TENM4: variants seen among roughly 807,000 people sequenced by gnomAD.
The protein encoded by TENM4 is teneurin-4.
TENM4 carries 82 observed loss-of-function variants against 243.3 expected under a neutral mutation model. That is an observed-to-expected ratio of 0.34 (90% CI 0.28 to 0.40). The LOEUF is 0.40. TENM4 is among the 10% of genes least tolerant of loss of function. The pLI is 1.00. For missense variants in TENM4, 3,138 were observed against 3,673.3 expected (o/e 0.85, Z 3.77); for synonymous variants, 1,412 against 1,456.3 (o/e 0.97, Z 0.69).
At chr11:78,720,440 C>A in intron 24 of TENM4, 50 bp from the exon 25 acceptor site, 3 of 1,606,870 alleles carry the variant, frequency 1.9e-6, no homozygotes, top group Non-Finnish European at 2.6e-6. Context: ...GAGGTGTTAG[C>A]AGCAGGGTTA....
chr11:79,410,270 T>C (rs1858669938), intron 1 of TENM4, among the ~76,000 whole-genome samples: 1 of 152,168 alleles, frequency 6.6e-6, no homozygotes, highest in Non-Finnish European at 1.5e-5. Flanking sequence ...CTCAGGGCTT[T>C]AGGAAGAACC....
intron 1 of TENM4, among the ~76,000 whole-genome samples, chr11:79,322,052 G>A (rs537229206): frequency 1.3e-5 from 2 of 152,312 alleles, no homozygotes; most frequent in South Asian, 4.1e-4. Flanking sequence ...ACAGGAAACA[G>A]GGAGGGCTCA....
intron 9 of TENM4, among the ~76,000 whole-genome samples, 200 bp from the exon 10 acceptor site, chr11:78,863,332 C>T (rs1449504001): frequency 6.6e-6 from 1 of 152,214 alleles, no homozygotes; most frequent in Non-Finnish European, 1.5e-5. Flanking sequence ...AGACCCTGCC[C>T]TCAAGGGGCT....
At chr11:79,419,422 C>T (rs114586791) in intron 1 of TENM4, among the ~76,000 whole-genome samples, 1,742 of 152,278 alleles carry the variant, frequency 0.011, 29 homozygotes, top group African/African-American at 0.039. Flanking sequence ...TTAGCACCCA[C>T]GGCACGGGGA....
In TENM4 at chr11:78,722,739, G is replaced by C. The variant is rs373240552; in HGVS notation, c.3729C>G (p.Leu1243=). Residue 1243 remains leucine (L), a synonymous_variant, in exon 24 of 34, where the codon CTC becomes CTG. Coordinates refer to ENST00000278550, the MANE Select transcript of TENM4 (RefSeq NM_001098816.3). ...VALTCGSDGS[L]YVGDFNYIRR... ...TAATGTAGTTGAAATCACCCACATA[G>C]AGGCTCCCGTCAGAGCCACAGGTGA... 5 of 1,613,940 alleles carry C rather than the reference G, an allele frequency of 3.1e-6. No individual in the cohort carries two copies. The highest frequency in any genetic ancestry group is 1.7e-5 in the Admixed American group (1 of 60,014).
intron 16 of TENM4, among the ~76,000 whole-genome samples, chr11:78,785,726 G>A (rs1591022520): frequency 6.6e-6 from 1 of 152,198 alleles, no homozygotes; most frequent in East Asian, 1.9e-4. Context: ...ACCCAGGGAT[G>A]TTGCAGGGGC....
chr11:78,658,841 G>A (rs769926075), intron 33 of TENM4, 25 bp from the exon 34 acceptor site: 1 of 1,597,090 alleles, frequency 6.3e-7, no homozygotes, highest in Non-Finnish European at 8.6e-7. Flanking sequence ...GAGTGAGAGA[G>A]AGAGTAAGAC....
intron 9 of TENM4, among the ~76,000 whole-genome samples, chr11:78,866,878 C>T (rs1858991961): frequency 1.3e-5 from 2 of 152,042 alleles, no homozygotes; most frequent in African/African-American, 4.8e-5. Context: ...GAAATGGCTA[C>T]CTGGAAAGTA....
intron 6 of TENM4, among the ~76,000 whole-genome samples, chr11:78,982,948 T>G (rs752457489): frequency 6.6e-6 from 1 of 152,238 alleles, no homozygotes; most frequent in Non-Finnish European, 1.5e-5. Flanking sequence ...TCGCAGTTAC[T>G]GACCACACAG....
At chr11:78,913,583 ATGTGTGTGTGTGTGTGTG>A (rs55835050) in intron 6 of TENM4, among the ~76,000 whole-genome samples, 6 of 141,936 alleles carry the variant, frequency 4.2e-5, no homozygotes, top group African/African-American at 5.4e-5. Flanking sequence ...GGTAAGAGGT[ATGTGTGTGTGTGTGTGTG>A]TGTGTGTGTG....
At chr11:79,140,373 G>T (rs542513380) in intron 4 of TENM4, among the ~76,000 whole-genome samples, 4 of 152,222 alleles carry the variant, frequency 2.6e-5, no homozygotes, top group Admixed American at 1.3e-4. Context: ...GGACTGGTCA[G>T]TCCTAAGCCT....
In TENM4 at chr11:79,329,654, C is replaced by T. The variant is rs186404574; in HGVS notation, c.-320-32111G>A. ...TGCAAAGACCTGGGGCAGAGCAGTC[C>T]CAGCAGGAGAAGCACAAAGCCCCGA... On this transcript the variant is annotated intron_variant, in intron 1 of 33. Transcript: ENST00000278550. 2.2e-3 allele frequency among the ~76,000 whole-genome samples: 336 copies of T among 152,192 alleles called. 2 individuals carry two copies. Among genetic ancestry groups the T allele is most frequent in the African/African-American group, 7.7e-3 (321 of 41,508 alleles).
chr11:79,252,246 C>T (rs1168094953), intron 2 of TENM4, among the ~76,000 whole-genome samples: 1 of 152,090 alleles, frequency 6.6e-6, no homozygotes, highest in Non-Finnish European at 1.5e-5. Context: ...CTCTCTTTTT[C>T]TTTTTTGAGA....
intron 2 of TENM4, among the ~76,000 whole-genome samples, chr11:79,258,939 C>A (rs941267451): frequency 6.8e-6 from 1 of 146,726 alleles, no homozygotes; most frequent in African/African-American, 2.7e-5. Flanking sequence ...CCAGTCCTGG[C>A]CCCCCCCACC....
At chr11:78,869,337 CA>C (rs1436925709) in intron 9 of TENM4, among the ~76,000 whole-genome samples, 2 of 152,186 alleles carry the variant, frequency 1.3e-5, no homozygotes, top group Admixed American at 6.5e-5. Context: ...TGCATCTCTG[CA>C]AAACCATGTA....
At chr11:79,122,180 A>G (rs944621406) in intron 4 of TENM4, among the ~76,000 whole-genome samples, 1 of 152,180 alleles carries the variant, frequency 6.6e-6, no homozygotes, top group African/African-American at 2.4e-5. Flanking sequence ...CAATTTGACC[A>G]GGTGATTGCT....
At chr11:78,896,142 C>A (rs947404049) in intron 7 of TENM4, among the ~76,000 whole-genome samples, 1 of 152,178 alleles carries the variant, frequency 6.6e-6, no homozygotes, top group Non-Finnish European at 1.5e-5. Flanking sequence ...AACGGTTCAC[C>A]CTCTCACAGT....
intron 6 of TENM4, among the ~76,000 whole-genome samples, chr11:79,028,326 C>G (rs7927281): frequency 0.38 from 57,523 of 152,174 alleles, 12,652 homozygotes; most frequent in African/African-American, 0.61. Flanking sequence ...CCTAGGTCAG[C>G]TTCCCTGGGA....
intron 6 of TENM4, among the ~76,000 whole-genome samples, chr11:78,985,153 T>A (rs1027875606): frequency 1.3e-5 from 2 of 152,228 alleles, no homozygotes; most frequent in Non-Finnish European, 2.9e-5. Context: ...TGCTTAAGAC[T>A]GTGGTGGCTT....
Sources: allele counts gnomAD v4.1 joint callset (sites outside exome capture counted in the v4.1 genomes callset), GRCh38; gene constraint gnomAD v4.1.1; transcripts MANE v1.5; gene names NCBI Gene and HGNC (gene_info 2026-07-23, HGNC 2026-07-21).